ZFP1: variants seen among roughly 807,000 people sequenced by gnomAD.
ZFP1 encodes ZFP1 zinc finger protein, also known as zinc finger protein 1 homolog.
In ZFP1, 32 loss-of-function variants were observed where a neutral mutation model predicts 38.5. The ratio of observed to expected loss-of-function variants is 0.83; its 90% CI spans 0.63 to 1.12. ZFP1 has a LOEUF of 1.12. ZFP1 is among the 50% of genes most tolerant of loss of function. The pLI is 0.00. For missense variants in ZFP1, 616 were observed against 480.8 expected (o/e 1.28, Z -2.63); for synonymous variants, 245 against 168.8 (o/e 1.45, Z -3.50).
intron 3 of ZFP1, 55 bp downstream of exon 3, chr16:75,166,951 G>A (rs748546982): frequency 6.4e-7 from 1 of 1,567,182 alleles, no homozygotes; most frequent in Non-Finnish European, 8.7e-7. Flanking sequence ...TTTATGTCCT[G>A]TCTCAGTGAC....
At chr16:75,156,508 C>T (rs2037479177) in intron 2 of ZFP1, among the ~76,000 whole-genome samples, 1 of 151,928 alleles carries the variant, frequency 6.6e-6, no homozygotes, top group African/African-American at 2.4e-5. Context: ...ACAAAGCCTC[C>T]CAGGAAAAGA....
At chr16:75,168,647 T>A (rs930981524) in intron 3 of ZFP1, among the ~76,000 whole-genome samples, 1 of 152,106 alleles carries the variant, frequency 6.6e-6, no homozygotes, top group African/African-American at 2.4e-5. Flanking sequence ...TTTGCAAGAT[T>A]CTCACTTAAG....
the ZFP1 span, among the ~76,000 whole-genome samples, chr16:75,140,124 C>T: frequency 4.6e-5 from 7 of 151,920 alleles, no homozygotes; most frequent in East Asian, 9.6e-4. Flanking sequence ...CAAAACTAGC[C>T]GGGCGTGGTG....
the ZFP1 span, among the ~76,000 whole-genome samples, chr16:75,141,021 C>T: frequency 6.6e-6 from 1 of 152,004 alleles, no homozygotes; most frequent in Non-Finnish European, 1.5e-5. Context: ...CAAAAATAAT[C>T]ATTTTGAAAC....
chr16:75,157,122 A>G (rs907121746), intron 2 of ZFP1: 4 of 151,372 alleles, frequency 2.6e-5, no homozygotes, highest in African/African-American at 9.7e-5. Context: ...TCTCATGTTG[A>G]TCTTTTGTTT....
intron 2 of ZFP1, among the ~76,000 whole-genome samples, chr16:75,154,449 A>G (rs1351305482): frequency 6.6e-6 from 1 of 152,156 alleles, no homozygotes; most frequent in African/African-American, 2.4e-5. Flanking sequence ...ACTCATTTGG[A>G]TAAATACCAA....
At chr16:75,150,003 T>C (rs2037107922) in intron 1 of ZFP1, among the ~76,000 whole-genome samples, 2 of 151,792 alleles carry the variant, frequency 1.3e-5, no homozygotes, top group African/African-American at 4.8e-5. Flanking sequence ...CCGGCTGCTC[T>C]AGAACTCTTG....
At chr16:75,168,946 C>G (rs897300150) in intron 3 of ZFP1, among the ~76,000 whole-genome samples, 8 of 152,158 alleles carry the variant, frequency 5.3e-5, no homozygotes, top group African/African-American at 1.9e-4. Flanking sequence ...CATTGCCAGC[C>G]TTCTCATATT....
At chr16:75,163,392 A>T (rs1056258451) in intron 2 of ZFP1, among the ~76,000 whole-genome samples, 1 of 151,208 alleles carries the variant, frequency 6.6e-6, no homozygotes, top group Non-Finnish European at 1.5e-5. Flanking sequence ...GCTCACTGCA[A>T]CTTTTGCCTC....
intron 2 of ZFP1, among the ~76,000 whole-genome samples, chr16:75,159,385 CT>C (rs1475917290): frequency 2.2e-3 from 18 of 8,324 alleles, no homozygotes; most frequent in Middle Eastern, 0.083. Context: ...CCCTTCCTTC[CT>C]TTCTCTCTCT....
At chr16:75,129,038 C>A in the ZFP1 span, among the ~76,000 whole-genome samples, 1 of 152,210 alleles carries the variant, frequency 6.6e-6, no homozygotes, top group Admixed American at 6.5e-5. Flanking sequence ...GATCCGCCTG[C>A]CTCAGCCTCC....
intron 2 of ZFP1, among the ~76,000 whole-genome samples, chr16:75,164,758 G>A (rs958251655): frequency 1.3e-5 from 2 of 151,864 alleles, no homozygotes; most frequent in African/African-American, 2.4e-5. Flanking sequence ...ATTTTGTGCT[G>A]TGAAAATGAT....
At chr16:75,150,765 C>T (rs1309121730) in intron 1 of ZFP1, among the ~76,000 whole-genome samples, 1 of 152,116 alleles carries the variant, frequency 6.6e-6, no homozygotes, top group African/African-American at 2.4e-5. Flanking sequence ...GATGATCTCT[C>T]TGGGTAACTG....
At chr16:75,149,908 C>G (rs958082844) in intron 1 of ZFP1, among the ~76,000 whole-genome samples, 4 of 152,062 alleles carry the variant, frequency 2.6e-5, no homozygotes, top group African/African-American at 9.7e-5. Flanking sequence ...TTCAAGCAGT[C>G]CTCCTGGCTG....
rs142274720 is a variant in ZFP1, at chr16:75,171,981, A to G, written c.*1647A>G. The G allele has an allele frequency of 1.5e-4, 23 of 152,352 alleles. No homozygotes were observed. In the Middle Eastern group the frequency reaches 0.014, roughly 90 times the overall value. The allele number at this position is 152,352 out of a possible 1,614,324, so 9.4% of individuals were successfully genotyped here. The stretch of plus-strand genomic sequence containing the variant: ...AAGGAATAAAAAGCGCCAGCACTTA[A>G]GATTATATGTTTACTAATGTATATT... On this transcript the variant is annotated 3_prime_UTR_variant, in exon 4 of 4. Coordinates refer to ENST00000570010, the MANE Select transcript of ZFP1 (RefSeq NM_153688.4).
At chr16:75,147,591 G>A (rs560305736), upstream of ZFP1, among the ~76,000 whole-genome samples, 3 of 152,084 alleles carry the variant, frequency 2.0e-5, no homozygotes, top group East Asian at 5.8e-4. Context: ...CTGGCCAGGT[G>A]CTGATATTTA....
At chr16:75,120,363 G>T in the ZFP1 span, among the ~76,000 whole-genome samples, 1 of 152,086 alleles carries the variant, frequency 6.6e-6, no homozygotes, top group Non-Finnish European at 1.5e-5. Context: ...AATAGCTGGG[G>T]TTCCTTAAAG....
At chr16:75,161,759 T>A (rs1401993865) in intron 2 of ZFP1, among the ~76,000 whole-genome samples, 1 of 13,190 alleles carries the variant, frequency 7.6e-5, no homozygotes, top group African/African-American at 3.5e-4. Flanking sequence ...TTTTATGAAA[T>A]ATATATATAT....
chr16:75,166,410 G>C lies in ZFP1; in HGVS notation c.16-360G>C, dbSNP rs559612478. 3 of 311,724 alleles carry C rather than the reference G, an allele frequency of 9.6e-6. No homozygotes were observed. The South Asian group carries it at 3.8e-4, about 39-fold the overall frequency. The allele number at this position is 311,724 out of a possible 1,614,324, so 19.3% of individuals were successfully genotyped here. Reference sequence around the variant, plus strand: ...CACCATGCCCGACTAAATTTTAGTAGAGATGGGATTTCACCATGTTGTCCA... The same window carrying C: ...CACCATGCCCGACTAAATTTTAGTACAGATGGGATTTCACCATGTTGTCCA... On this transcript the variant is annotated intron_variant, in intron 2 of 3. Transcript: ENST00000570010.
Sources: gnomAD v4.1 joint callset for allele counts (sites outside exome capture counted in the v4.1 genomes callset) on GRCh38, gnomAD v4.1.1 for gene constraint, MANE v1.5 for transcripts, NCBI Gene and HGNC (gene_info 2026-07-23, HGNC 2026-07-21) for gene names.